KCTD8: variants seen among roughly 807,000 people sequenced by gnomAD.
The protein encoded by KCTD8 is BTB/POZ domain-containing protein KCTD8.
KCTD8 carries 27 observed loss-of-function variants against 31.5 expected under a neutral mutation model. That is an observed-to-expected ratio of 0.86 (90% CI 0.63 to 1.18). The LOEUF (loss-of-function observed/expected upper bound fraction) is 1.18, where lower values mean the gene tolerates loss of function less well. Among genes scored for constraint, KCTD8 ranks in the 50% most tolerant of loss-of-function variants. KCTD8 has a pLI of 0.00. For missense variants in KCTD8, 658 were observed against 647.7 expected, an observed-to-expected ratio of 1.02 and a Z score of -0.17; for synonymous variants, 290 against 280.0, an observed-to-expected ratio of 1.04 and a Z score of -0.36.
chr4:44,406,240 G>A (rs1222369663), intron 1 of KCTD8, among the ~76,000 whole-genome samples: 1 of 152,094 alleles, frequency 6.6e-6, no homozygotes, highest in African/African-American at 2.4e-5. Flanking sequence ...TCTTTCAGGG[G>A]TTAAATACAA....
At position 44,448,347 on chromosome 4, in the gene KCTD8, G is replaced by A; in HGVS notation, c.177C>T (p.His59=). 6.3e-7 allele frequency: 1 copy of A among 1,594,996 alleles called. No individual in the cohort carries two copies. Among genetic ancestry groups the A allele is most frequent in the South Asian group, 1.1e-5 (1 of 89,432 alleles). The change falls in exon 1 of 2, where the codon CAC becomes CAT. Residue 59 remains histidine (H), a synonymous_variant. Coordinates refer to ENST00000360029, the MANE Select transcript of KCTD8 (RefSeq NM_198353.3). The surrounding 1 kb of genome is among the most constrained non-coding windows in gnomAD (Gnocchi z 4.1). ...TGTCCGGGACGCTGAGCAGCGTCGA[G>A]TGCTTGGTCACATAAACCTGGCCGC... ...NVGGQVYVTK[H]STLLSVPDST... is the part of the protein sequence containing the mutation.
intron 1 of KCTD8, among the ~76,000 whole-genome samples, chr4:44,204,171 T>C (rs1024030836): frequency 6.6e-6 from 1 of 152,058 alleles, no homozygotes; most frequent in Non-Finnish European, 1.5e-5. Flanking sequence ...ATTTTAAAAA[T>C]AGTAAACAAG....
intron 1 of KCTD8, among the ~76,000 whole-genome samples, chr4:44,233,224 A>G (rs1715176730): frequency 6.6e-6 from 1 of 152,020 alleles, no homozygotes; most frequent in Non-Finnish European, 1.5e-5. Context: ...GACTACTCTG[A>G]TCTGGGTTAC....
intron 1 of KCTD8, among the ~76,000 whole-genome samples, chr4:44,296,958 A>G (rs1287027857): frequency 6.6e-6 from 1 of 152,078 alleles, no homozygotes; most frequent in African/African-American, 2.4e-5. Flanking sequence ...TTTCTTTTAC[A>G]TCAGTAAGAT....
chr4:44,430,413 T>C (rs1388706150), intron 1 of KCTD8, among the ~76,000 whole-genome samples: 1 of 151,686 alleles, frequency 6.6e-6, no homozygotes, highest in Non-Finnish European at 1.5e-5. Context: ...AAGTATGTAT[T>C]GAAAGAAAGT....
At chr4:44,271,973 T>C (rs559186962) in intron 1 of KCTD8, among the ~76,000 whole-genome samples, 53 of 152,078 alleles carry the variant, frequency 3.5e-4, no homozygotes, top group Admixed American at 6.6e-4. Flanking sequence ...CAAGCTAGTC[T>C]TGGCATGTGA....
At position 44,366,610 on chromosome 4, in the gene KCTD8, AGAATG is replaced by A. The variant is rs1719645843; in HGVS notation, c.961+80948_961+80952del. Among the ~76,000 whole-genome samples the A allele has an allele frequency of 3.9e-5, 6 of 152,164 alleles. No homozygotes were observed. In the South Asian group the frequency reaches 8.3e-4, roughly 21 times the overall value. On this transcript the variant is annotated intron_variant, in intron 1 of 1. Transcript: ENST00000360029. Reference sequence around the variant, plus strand: ...CAGGTAGTTTCTTTATAGCAGCGTGAGAATGGACTAATACAGAGATGTAGCCATGC... The same window carrying A: ...CAGGTAGTTTCTTTATAGCAGCGTGAGACTAATACAGAGATGTAGCCATGC...
intron 1 of KCTD8, among the ~76,000 whole-genome samples, chr4:44,267,564 T>A (rs1039516391): frequency 1.3e-5 from 2 of 151,692 alleles, no homozygotes; most frequent in Non-Finnish European, 2.9e-5. Flanking sequence ...CTGAAGGAAA[T>A]AGAGACAAAT....
chr4:44,425,012 G>A (rs1347567070), intron 1 of KCTD8, among the ~76,000 whole-genome samples: 2 of 151,880 alleles, frequency 1.3e-5, no homozygotes, highest in Non-Finnish European at 2.9e-5. Flanking sequence ...ATCTGTATAA[G>A]AAGAGATTGG....
chr4:44,395,469 A>G (rs1483795420), intron 1 of KCTD8, among the ~76,000 whole-genome samples: 1 of 152,092 alleles, frequency 6.6e-6, no homozygotes, highest in African/African-American at 2.4e-5. Flanking sequence ...TTAACATCCT[A>G]AATCACACAC....
chr4:44,324,056 AAC>A (rs1447894534), intron 1 of KCTD8, among the ~76,000 whole-genome samples: 4 of 134,988 alleles, frequency 3.0e-5, no homozygotes, highest in African/African-American at 8.6e-5. Flanking sequence ...AAAAAAAAAA[AAC>A]AAAACAAAAC....
chr4:44,269,775 C>A (rs923601023), intron 1 of KCTD8, among the ~76,000 whole-genome samples: 13 of 151,982 alleles, frequency 8.6e-5, no homozygotes, highest in African/African-American at 1.5e-4. Context: ...ATGCAGCCAA[C>A]AGACACATGA....
intron 1 of KCTD8, among the ~76,000 whole-genome samples, chr4:44,428,046 G>T (rs966352511): frequency 6.6e-6 from 1 of 151,500 alleles, no homozygotes; most frequent in African/African-American, 2.4e-5. Flanking sequence ...GGATTGGGTT[G>T]GGTAATAATG....
chr4:44,257,836 G>T (rs1716032452), intron 1 of KCTD8, among the ~76,000 whole-genome samples: 1 of 151,922 alleles, frequency 6.6e-6, no homozygotes, highest in Non-Finnish European at 1.5e-5. Flanking sequence ...AGAAAAGGCA[G>T]CCCACTGTCA....
intron 1 of KCTD8, among the ~76,000 whole-genome samples, chr4:44,361,957 C>T (rs1363964308): frequency 4.6e-5 from 7 of 152,060 alleles, no homozygotes; most frequent in East Asian, 1.9e-4. Flanking sequence ...CAGAGCCCCA[C>T]GAATCTCAGA....
At chr4:44,191,076 G>T (rs1713751770) in intron 1 of KCTD8, among the ~76,000 whole-genome samples, 1 of 152,144 alleles carries the variant, frequency 6.6e-6, no homozygotes, top group African/African-American at 2.4e-5. Flanking sequence ...CAAAAATTGT[G>T]AAGATTTCAT....
Position 44,448,257 on chromosome 4 carries a change from C to A in KCTD8, c.267G>T (p.Leu89=). The part of the protein sequence containing the change: ...PRGGARRRGE[L]PRDSRARFFI... ...AGAAGCGCGCCCGGCTGTCCCTGGG[C>A]AGCTCGCCCCGGCGCCGGGCGCCGC... The change falls in exon 1 of 2, where the codon CTG becomes CTT. Residue 89 remains leucine (L), a synonymous_variant. Coordinates refer to ENST00000360029, the MANE Select transcript of KCTD8 (RefSeq NM_198353.3). This position sits in a 1 kb window ranked among gnomAD's most constrained non-coding sequence, Gnocchi z 4.1. 6.2e-7 allele frequency: 1 copy of A among 1,608,038 alleles called. No individual in the cohort carries two copies. The highest frequency in any genetic ancestry group is 8.5e-7 in the Non-Finnish European group (1 of 1,177,780).
At chr4:44,200,125 C>T (rs770775115) in intron 1 of KCTD8, among the ~76,000 whole-genome samples, 14 of 151,074 alleles carry the variant, frequency 9.3e-5, no homozygotes, top group South Asian at 4.2e-4. Flanking sequence ...AAAACCTGAA[C>T]GGATTGATAA....
intron 1 of KCTD8, among the ~76,000 whole-genome samples, chr4:44,356,539 T>C (rs1719347407): frequency 6.6e-6 from 1 of 152,128 alleles, no homozygotes; most frequent in Non-Finnish European, 1.5e-5. Context: ...AGTGGCACGA[T>C]CTCAACTCAC....
Sources: gnomAD v4.1 joint callset for allele counts (sites outside exome capture counted in the v4.1 genomes callset) on GRCh38, gnomAD v4.1.1 for gene constraint, Gnocchi (gnomAD v3.1) non-coding constraint, MANE v1.5 for transcripts, NCBI Gene and HGNC (gene_info 2026-07-23, HGNC 2026-07-21) for gene names.